The following PGC variants were observed in gnomAD, a reference collection of about 807,000 sequenced individuals.
The protein encoded by PGC is progastricsin, also known as gastricsin.
In PGC, 31 loss-of-function variants were observed where a neutral mutation model predicts 45.9. The observed-to-expected ratio is 0.67, with a 90% CI of 0.51 to 0.91. The LOEUF is 0.91. Ranked by LOEUF, PGC falls within the 40% of genes least tolerant of loss-of-function variation. PGC has a pLI of 0.00. For synonymous variants in PGC, 192 were observed against 201.8 expected (o/e 0.95, Z 0.41); for missense variants, 477 against 493.2 (o/e 0.97, Z 0.31).
intron 7 of PGC, among the ~76,000 whole-genome samples, 184 bp downstream of exon 7, chr6:41,739,615 C>T (rs1160802805): frequency 2.6e-5 from 4 of 152,152 alleles, no homozygotes; most frequent in East Asian, 1.9e-4. Flanking sequence ...GACAGAGTCT[C>T]GCCATGTTGC....
In PGC at chr6:41,738,229, T is replaced by TATATATATAC. The variant is rs1561879988; in HGVS notation, c.916-402_916-401insGTATATATAT. Among the ~76,000 whole-genome samples, 26 of 12,678 alleles carry TATATATATAC rather than the reference T, an allele frequency of 2.1e-3. 1 individual carries two copies. Among genetic ancestry groups the TATATATATAC allele is most frequent in the Admixed American group, 4.6e-3 (5 of 1,090 alleles). 8.3% of individuals were successfully genotyped at this position (12,678 alleles called of 152,430 possible). ...ATATATATATGCATATATATATGCA[T>TATATATATAC]ATATATATGTATATATATATGCATA... On this transcript the variant is annotated intron_variant, in intron 7 of 8. Coordinates refer to ENST00000373025, the MANE Select transcript of PGC (RefSeq NM_002630.4).
chr6:41,743,122 G>T, intron 4 of PGC, 149 bp downstream of exon 4: 1 of 693,424 alleles, frequency 1.4e-6, no homozygotes, highest in Non-Finnish European at 2.7e-6. Flanking sequence ...TGAGTGTTGG[G>T]GGAGTGACTG....
Position 41,744,645 on chromosome 6 carries a change from G to T in PGC, c.210+13C>A. The stretch of plus-strand genomic sequence containing the variant: ...CAGAGAGAAGGCTACCGCCAGAAAG[G>T]GTCAGGACTCACATCCATGTAGGCC... On this transcript the variant is annotated intron_variant, in intron 2 of 8. Transcript: ENST00000373025. This position sits in a 1 kb window ranked among gnomAD's most constrained non-coding sequence, Gnocchi z 4.4. 2 of 1,613,812 alleles carry T rather than the reference G, an allele frequency of 1.2e-6. No individual in the cohort carries two copies. Among genetic ancestry groups the T allele is most frequent in the Non-Finnish European group, 1.7e-6 (2 of 1,179,788 alleles).
chr6:41,742,250 AGC>A, intron 5 of PGC, 38 bp downstream of exon 5: 1 of 1,579,170 alleles, frequency 6.3e-7, no homozygotes, highest in Admixed American at 1.7e-5. Flanking sequence ...CGGCCGGGGG[AGC>A]ATCCCGGGAG....
intron 3 of PGC, 148 bp from the exon 4 acceptor site, chr6:41,743,537 G>A: frequency 1.5e-6 from 1 of 660,758 alleles, no homozygotes; most frequent in South Asian, 1.7e-5. Context: ...GTCAAGGGGT[G>A]GCATTGGAAG....
intron 4 of PGC, among the ~76,000 whole-genome samples, chr6:41,742,782 G>A (rs1048157165): frequency 1.3e-5 from 2 of 152,106 alleles, no homozygotes; most frequent in South Asian, 2.1e-4. Flanking sequence ...GTGCCACCAC[G>A]CTCAGCTAAT....
intron 1 of PGC, among the ~76,000 whole-genome samples, chr6:41,745,968 G>A (rs983380664): frequency 6.6e-6 from 1 of 151,784 alleles, no homozygotes; most frequent in African/African-American, 2.4e-5. Context: ...TTCGAGACCA[G>A]ACTGGCCAAG....
chr6:41,740,081 C>T (rs1246632642), intron 6 of PGC, 135 bp from the exon 7 acceptor site: 12 of 722,388 alleles, frequency 1.7e-5, no homozygotes, highest in African/African-American at 8.9e-5. Context: ...AAGATCAATC[C>T]GGCTATTCCC....
rs1395854283 is a variant in PGC at position 41,739,906 on chromosome 6, C to T, written c.808G>A (p.Gly270Ser). Residue 270 changes from glycine to serine, a missense_variant, in exon 7 of 9, where the codon GGT becomes AGT. Coordinates refer to ENST00000373025, the MANE Select transcript of PGC (RefSeq NM_002630.4). ...GGQASGWCSE[G>S]CQAIVDTGTS... ...CCTGTGTCCACGATGGCCTGGCAAC[C>T]CTCAGAACACCAGCCGGAGGCCTGG... 1.2e-6 allele frequency: 2 copies of T among 1,614,154 alleles called. No individual in the cohort carries two copies. The highest frequency in any genetic ancestry group is 2.2e-5 in the East Asian group (1 of 44,890).
intron 7 of PGC, among the ~76,000 whole-genome samples, chr6:41,738,193 T>TAC (rs1561879805): frequency 5.7e-5 from 2 of 35,354 alleles, no homozygotes; most frequent in Non-Finnish European, 1.4e-4. Flanking sequence ...TATATATGCA[T>TAC]ATATATATGC....
Position 41,744,369 on chromosome 6 carries a change from A to AT in PGC, c.328+27_328+28insA. 1 of 1,520,400 alleles carries AT rather than the reference A, an allele frequency of 6.6e-7. No homozygotes were observed. The highest frequency in any genetic ancestry group is 1.1e-5 in the South Asian group (1 of 87,556). 94.2% of individuals were successfully genotyped at this position (1,520,400 alleles called of 1,614,324 possible). A position where few individuals can be genotyped will look rare whatever the true frequency, so the allele number is the denominator to read the frequency against. On this transcript the variant is annotated intron_variant, in intron 3 of 8. Transcript: ENST00000373025. This position sits in a 1 kb window ranked among gnomAD's most constrained non-coding sequence, Gnocchi z 4.4. ...GTATCAGTGCCTTGCCCTGCCAACCACCCCTCTCTGCCCAGCCCAGCACTC... is the reference window on the plus strand; with the variant it reads ...GTATCAGTGCCTTGCCCTGCCAACCATCCCCTCTCTGCCCAGCCCAGCACTC...
intron 1 of PGC, among the ~76,000 whole-genome samples, chr6:41,745,523 C>A (rs1191486960): frequency 1.3e-5 from 2 of 151,194 alleles, no homozygotes; most frequent in South Asian, 2.1e-4. Context: ...CAGGTGTGAG[C>A]CACCGCACCT....
intron 3 of PGC, 89 bp from the exon 4 acceptor site, chr6:41,743,478 C>G (rs151130310): frequency 1.2e-6 from 1 of 827,024 alleles, no homozygotes; most frequent in Non-Finnish European, 2.1e-6. Context: ...CTCAGCCTCT[C>G]GCTCAGGCTG....
chr6:41,736,948 G>C lies in PGC; in HGVS notation c.1071C>G (p.Gly357=). 1 of 1,614,092 alleles carries C rather than the reference G, an allele frequency of 6.2e-7. No individual in the cohort carries two copies. The highest frequency in any genetic ancestry group is 8.5e-7 in the Non-Finnish European group (1 of 1,179,960). Residue 357 remains glycine (G), a synonymous_variant, in exon 9 of 9, where the codon GGC becomes GGG. Transcript: ENST00000373025. ...VEPTYLSSQN[G]QPLWILGDVF... ...CATCCCCGAGGATCCACAGGGGCTG[G>C]CCGTTCTGGGAGGACAGGTAGGTGG... is the stretch of plus-strand genomic sequence containing the variant.
At chr6:41,741,884 A>G (rs1443320451) in intron 5 of PGC, 12 of 1,445,288 alleles carry the variant, frequency 8.3e-6, no homozygotes, top group Non-Finnish European at 1.0e-5. Context: ...ATACATTACT[A>G]TGCAAAAGAG....
chr6:41,744,688 G>A lies in PGC; in HGVS notation c.180C>T (p.Ser60=), dbSNP rs939789653. 13 of 1,614,026 alleles carry A rather than the reference G, an allele frequency of 8.1e-6. No individual in the cohort carries two copies. Among genetic ancestry groups the A allele is most frequent in the East Asian group, 4.5e-5 (2 of 44,886 alleles). ...PAWKYRFGDL[S]VTYEPMAYMD... is the part of the protein sequence containing the mutation. ...TGTAGGCCATGGGCTCGTAGGTCAC[G>A]CTGAGGTCACCAAAGCGGTACTTCC... Residue 60 remains serine (S), a synonymous_variant, in exon 2 of 9, where the codon AGC becomes AGT. Transcript: ENST00000373025. This position sits in a 1 kb window ranked among gnomAD's most constrained non-coding sequence, Gnocchi z 4.4.
In PGC at chr6:41,738,237, T is replaced by TAC. The variant is rs1771750438; in HGVS notation, c.916-410_916-409insGT. On this transcript the variant is annotated intron_variant, in intron 7 of 8. Coordinates refer to ENST00000373025, the MANE Select transcript of PGC (RefSeq NM_002630.4). ...ATGCATATATATATGCATATATATA[T>TAC]GTATATATATATGCATATATATATA... is the stretch of plus-strand genomic sequence containing the variant. Among the ~76,000 whole-genome samples the TAC allele has an allele frequency of 1.1e-3, 13 of 12,064 alleles. 1 individual carries two copies. The highest frequency in any genetic ancestry group is 2.4e-3 in the African/African-American group (11 of 4,492). The allele number at this position is 12,064 out of a possible 152,430, so 7.9% of individuals were successfully genotyped here.
intron 8 of PGC, 31 bp from the exon 9 acceptor site, chr6:41,737,035 A>G (rs1040983811): frequency 1.3e-6 from 2 of 1,597,738 alleles, no homozygotes; most frequent in Non-Finnish European, 1.7e-6. Context: ...GCACTCATTC[A>G]TTTGTCCACA....
chr6:41,738,157 C>CATATATATACAT lies in PGC; in HGVS notation c.916-330_916-329insATGTATATATAT, dbSNP rs5875767. Among the ~76,000 whole-genome samples, 11 of 27,758 alleles carry CATATATATACAT rather than the reference C, an allele frequency of 4.0e-4. 1 individual carries two copies. The highest frequency in any genetic ancestry group is 1.5e-3 in the Admixed American group (4 of 2,750). 18.2% of individuals were successfully genotyped at this position (27,758 alleles called of 152,430 possible). On this transcript the variant is annotated intron_variant, in intron 7 of 8. Transcript: ENST00000373025. ...GCATATATATATGCATATATATATA[C>CATATATATACAT]ATATATATGCATATATATATACATA...
Sources: allele counts gnomAD v4.1 joint callset (sites outside exome capture counted in the v4.1 genomes callset), GRCh38; gene constraint gnomAD v4.1.1; non-coding constraint Gnocchi (gnomAD v3.1); transcripts MANE v1.5; gene names NCBI Gene and HGNC (gene_info 2026-07-23, HGNC 2026-07-21).